Variants in PHF21B observed in about 807,000 individuals in gnomAD.
PHF21B encodes the protein PHD finger protein 4.
A neutral mutation model predicts 62.2 loss-of-function variants in PHF21B; 22 were observed. The observed-to-expected ratio is 0.35, with a 90% CI of 0.25 to 0.51. The LOEUF (loss-of-function observed/expected upper bound fraction) is 0.51. Ranked by LOEUF, PHF21B falls within the 20% of genes least tolerant of loss-of-function variation. PHF21B has a pLI of 0.97. For missense variants in PHF21B, 701 were observed against 707.9 expected (o/e 0.99, Z 0.11); for synonymous variants, 341 against 314.7 (o/e 1.08, Z -0.88).
chr22:44,941,724 G>A (rs1426698631), intron 2 of PHF21B, among the ~76,000 whole-genome samples: 2 of 152,182 alleles, frequency 1.3e-5, no homozygotes. Flanking sequence ...TGGGCAGGGG[G>A]ATACGGCGGC....
chr22:44,957,571 T>C (rs2072327143), intron 2 of PHF21B, among the ~76,000 whole-genome samples: 1 of 152,216 alleles, frequency 6.6e-6, no homozygotes, highest in African/African-American at 2.4e-5. Context: ...GCTTTTTTTC[T>C]CCTGCCTTGA....
chr22:44,896,528 G>C (rs1054019423), intron 5 of PHF21B, among the ~76,000 whole-genome samples: 4 of 152,224 alleles, frequency 2.6e-5, no homozygotes, highest in South Asian at 2.1e-4. Flanking sequence ...AAGAGCTAAG[G>C]TGCACACAGC....
chr22:44,916,519 G>A lies in PHF21B; in HGVS notation c.325C>T (p.Pro109Ser). The change falls in exon 4 of 13, where the codon CCC becomes TCC. Residue 109 changes from proline to serine, a missense_variant. Pro to Ser is a moderately conservative substitution (Grantham distance 74). Coordinates refer to ENST00000313237, the MANE Select transcript of PHF21B (RefSeq NM_138415.5). ...TTGGCGGTGGGGAGGGCTGGGCTGG[G>A]GTTCTTGACGCTGACCACGGTGGCC... ...QKATVVSVKN[P>S]SPALPTANNT... is the part of the protein sequence containing the mutation. The A allele has an allele frequency of 6.2e-7, 1 of 1,609,584 alleles. No individual in the cohort carries two copies. Among genetic ancestry groups the A allele is most frequent in the Non-Finnish European group, 8.5e-7 (1 of 1,179,812 alleles).
At chr22:44,903,106 A>ATATTTTG (rs1491399725) in intron 5 of PHF21B, among the ~76,000 whole-genome samples, 1 of 152,220 alleles carries the variant, frequency 6.6e-6, no homozygotes. Flanking sequence ...TCCAGGAGAC[A>ATATTTTG]TATTTTGCCT....
intron 2 of PHF21B, among the ~76,000 whole-genome samples, chr22:44,996,026 G>A (rs1481435038): frequency 6.6e-6 from 1 of 152,186 alleles, no homozygotes; most frequent in African/African-American, 2.4e-5. Flanking sequence ...TGGAAAGGCT[G>A]TATTGCCCAT....
chr22:44,885,191 A>G (rs765708985), intron 12 of PHF21B, among the ~76,000 whole-genome samples: 3 of 152,212 alleles, frequency 2.0e-5, no homozygotes, highest in African/African-American at 7.2e-5. Context: ...GGTTCTAAGG[A>G]CACATCTGCC....
intron 2 of PHF21B, among the ~76,000 whole-genome samples, chr22:44,961,481 T>C (rs1380469916): frequency 6.6e-6 from 1 of 152,140 alleles, no homozygotes; most frequent in Non-Finnish European, 1.5e-5. Flanking sequence ...GAATCTAATG[T>C]TTAGCTCTTA....
chr22:44,887,495 G>A (rs1370958109), intron 10 of PHF21B, among the ~76,000 whole-genome samples: 4 of 151,956 alleles, frequency 2.6e-5, no homozygotes, highest in Non-Finnish European at 4.4e-5. Flanking sequence ...ACTATCTCCC[G>A]CTGCTGGGAG....
intron 2 of PHF21B, among the ~76,000 whole-genome samples, chr22:44,943,007 C>G (rs1272783234): frequency 7.7e-6 from 1 of 130,246 alleles, no homozygotes; most frequent in Non-Finnish European, 1.7e-5. Flanking sequence ...CCCCCCCCCC[C>G]CATCCTCAGA....
intron 2 of PHF21B, among the ~76,000 whole-genome samples, chr22:44,996,422 C>T (rs936106880): frequency 2.6e-5 from 4 of 152,052 alleles, no homozygotes; most frequent in Admixed American, 2.6e-4. Flanking sequence ...CAGTTCTAGC[C>T]CCAGACAGCT....
chr22:44,888,013 G>C lies in PHF21B; in HGVS notation c.1147C>G (p.Leu383Val). Residue 383 changes from leucine (L) to valine (V), a missense_variant, in exon 10 of 13, where the codon CTC (leucine) becomes GTC (valine). Coordinates refer to ENST00000313237, the MANE Select transcript of PHF21B (RefSeq NM_138415.5). ...CACACGCCCTTGGGCGCCGTCTTGA[G>C]GGGCGGCTCCAGGCAGCTGAGGTGG... Reference protein sequence around the residue: ...AYHLSCLEPPLKTAPKGVWVC... With the variant: ...AYHLSCLEPPVKTAPKGVWVC... 6.4e-7 allele frequency: 1 copy of C among 1,571,400 alleles called. No individual in the cohort carries two copies. Among genetic ancestry groups the C allele is most frequent in the Non-Finnish European group, 8.6e-7 (1 of 1,159,248 alleles).
At position 45,009,764 on chromosome 22, in the gene PHF21B, A is replaced by T. The variant is rs1019954708; in HGVS notation, c.-215T>A. ...GCGGCGCCGAGCCCTCGGCTGCCCC[A>T]ACTCCTCAGGCTGCCCGGCAAGTTG... On this transcript the variant is annotated 5_prime_UTR_variant, in exon 1 of 13. Transcript: ENST00000313237. This position sits in a 1 kb window ranked among gnomAD's most constrained non-coding sequence, Gnocchi z 5.9. 1 of 388,598 alleles carries T rather than the reference A, an allele frequency of 2.6e-6. No individual in the cohort carries two copies. The highest frequency in any genetic ancestry group is 4.6e-6 in the Non-Finnish European group (1 of 217,462). 24.1% of individuals were successfully genotyped at this position (388,598 alleles called of 1,614,324 possible). A position where few individuals can be genotyped will look rare whatever the true frequency, so the allele number is the denominator to read the frequency against.
intron 3 of PHF21B, among the ~76,000 whole-genome samples, chr22:44,918,216 G>A (rs549448075): frequency 7.9e-5 from 12 of 152,374 alleles, no homozygotes; most frequent in African/African-American, 1.2e-4. Context: ...GCGTGGGGGC[G>A]GATGGACACC....
rs138634226 is a variant in PHF21B at position 44,997,559 on chromosome 22, G to A, written c.120+10986C>T. ...GACGCATTAATCACAGACTAGACTC[G>A]TATTGCTGATTGTAGGAAATGCTAC... On this transcript the variant is annotated intron_variant, in intron 2 of 12. Transcript: ENST00000313237. 2.7e-3 allele frequency among the ~76,000 whole-genome samples: 417 copies of A among 152,170 alleles called. 15 individuals carry two copies. In the East Asian group the frequency reaches 0.055, roughly 20 times the overall value.
At chr22:44,988,836 C>T (rs764028382) in intron 2 of PHF21B, among the ~76,000 whole-genome samples, 2 of 152,164 alleles carry the variant, frequency 1.3e-5, no homozygotes, top group African/African-American at 2.4e-5. Context: ...GTCTACTGCT[C>T]ACAGTTCTGG....
chr22:44,948,174 T>C (rs529162736), intron 2 of PHF21B, among the ~76,000 whole-genome samples: 5 of 152,374 alleles, frequency 3.3e-5, no homozygotes, highest in African/African-American at 1.2e-4. Flanking sequence ...ATTACATTTA[T>C]TGTGTAGTTT....
intron 5 of PHF21B, among the ~76,000 whole-genome samples, chr22:44,907,052 T>G (rs1393220128): frequency 6.6e-6 from 1 of 152,170 alleles, no homozygotes; most frequent in Non-Finnish European, 1.5e-5. Context: ...TCACGCGTTT[T>G]AGAGCATTGC....
intron 2 of PHF21B, among the ~76,000 whole-genome samples, chr22:44,977,636 T>C (rs2072762520): frequency 6.6e-6 from 1 of 151,800 alleles, no homozygotes; most frequent in Non-Finnish European, 1.5e-5. Context: ...TGGAGTGCAG[T>C]GGCATAATCA....
At chr22:45,002,652 C>T (rs1048368656) in intron 2 of PHF21B, among the ~76,000 whole-genome samples, 21 of 152,266 alleles carry the variant, frequency 1.4e-4, no homozygotes, top group Admixed American at 1.4e-3. Flanking sequence ...CTCCTCCCTT[C>T]TGACCTGCCC....
Sources: gnomAD v4.1 joint callset for allele counts (sites outside exome capture counted in the v4.1 genomes callset) on GRCh38, gnomAD v4.1.1 for gene constraint, Gnocchi (gnomAD v3.1) non-coding constraint, MANE v1.5 for transcripts, NCBI Gene and HGNC (gene_info 2026-07-23, HGNC 2026-07-21) for gene names.